Variants in NXPE4 observed in about 807,000 individuals in gnomAD.
NXPE4 encodes NXPE family member 4.
NXPE4 carries 42 observed loss-of-function variants against 33.3 expected under a neutral mutation model. The ratio of observed to expected loss-of-function variants is 1.26; its 90% CI spans 0.98 to 1.63. NXPE4 has a LOEUF of 1.63. NXPE4 is among the 40% of genes most tolerant of loss of function. NXPE4 has a pLI of 0.00. For missense variants in NXPE4, 709 were observed against 647.6 expected, an observed-to-expected ratio of 1.09 and a Z score of -1.03; for synonymous variants, 253 against 234.9, an observed-to-expected ratio of 1.08 and a Z score of -0.71.
At chr11:114,606,924 G>A in the NXPE4 span, among the ~76,000 whole-genome samples, 5 of 151,990 alleles carry the variant, frequency 3.3e-5, no homozygotes, top group African/African-American at 9.6e-5. Context: ...AATAAGTATT[G>A]TCTCATGGGT....
At chr11:114,607,954 A>G in the NXPE4 span, among the ~76,000 whole-genome samples, 1 of 149,548 alleles carries the variant, frequency 6.7e-6, no homozygotes, top group East Asian at 2.0e-4. Context: ...ACTGTTACCC[A>G]GTGGATAATA....
At chr11:114,642,793 T>C in the NXPE4 span, among the ~76,000 whole-genome samples, 1 of 152,084 alleles carries the variant, frequency 6.6e-6, no homozygotes, top group South Asian at 2.1e-4. Flanking sequence ...CTGGGCTTGC[T>C]GGGTCAAATG....
the NXPE4 span, among the ~76,000 whole-genome samples, chr11:114,623,325 T>C: frequency 1.3e-5 from 2 of 152,060 alleles, no homozygotes; most frequent in African/African-American, 4.8e-5. Flanking sequence ...GGGTAATCAC[T>C]GTTACCTGGT....
the NXPE4 span, among the ~76,000 whole-genome samples, chr11:114,636,846 G>C: frequency 6.6e-6 from 1 of 152,044 alleles, no homozygotes; most frequent in Admixed American, 6.6e-5. Flanking sequence ...TATAATTTCT[G>C]TTCTTTTACA....
chr11:114,594,607 A>G (rs1181645934), intron 2 of NXPE4, 57 bp downstream of exon 2: 1 of 1,103,630 alleles, frequency 9.1e-7, no homozygotes, highest in East Asian at 2.4e-5. Flanking sequence ...CCTAGAACAG[A>G]TGAGGTAATA....
intron 2 of NXPE4, chr11:114,583,649 G>A (rs1035421912): frequency 1.7e-6 from 1 of 588,986 alleles, no homozygotes; most frequent in Non-Finnish European, 3.4e-6. Context: ...GGACACTGCT[G>A]TGAATTGGGC....
the NXPE4 span, among the ~76,000 whole-genome samples, chr11:114,602,756 G>A: frequency 9.8e-5 from 14 of 143,148 alleles, no homozygotes; most frequent in Non-Finnish European, 1.5e-4. Flanking sequence ...TCATATATAA[G>A]TATCTCATAT....
chr11:114,667,584 G>A, the NXPE4 span, among the ~76,000 whole-genome samples: 1 of 152,124 alleles, frequency 6.6e-6, no homozygotes, highest in South Asian at 2.1e-4. Context: ...AGATGGCATT[G>A]TGATTTCCTC....
the NXPE4 span, among the ~76,000 whole-genome samples, chr11:114,643,335 C>A: frequency 6.6e-6 from 1 of 152,042 alleles, no homozygotes; most frequent in Admixed American, 6.6e-5. Context: ...TTTGCCCATG[C>A]CTACATCCTG....
chr11:114,572,572 A>G (rs540827273), intron 5 of NXPE4, among the ~76,000 whole-genome samples: 8 of 152,310 alleles, frequency 5.3e-5, no homozygotes, highest in African/African-American at 1.9e-4. Context: ...TGCAAAATGC[A>G]CTGGAAATTC....
chr11:114,638,402 C>T, the NXPE4 span, among the ~76,000 whole-genome samples: 19 of 151,940 alleles, frequency 1.3e-4, no homozygotes, highest in Admixed American at 2.6e-4. Context: ...TCTTTGCCTT[C>T]GGTTTGAATT....
chr11:114,622,481 A>G, the NXPE4 span, among the ~76,000 whole-genome samples: 1 of 149,702 alleles, frequency 6.7e-6, no homozygotes, highest in African/African-American at 2.5e-5. Context: ...TGCCTCATGG[A>G]TAACCACTGT....
At chr11:114,669,040 G>T in the NXPE4 span, among the ~76,000 whole-genome samples, 7 of 152,162 alleles carry the variant, frequency 4.6e-5, no homozygotes, top group African/African-American at 1.7e-4. Flanking sequence ...AAGTGGAAGA[G>T]ACTGATCAGA....
the NXPE4 span, among the ~76,000 whole-genome samples, chr11:114,650,797 A>C: frequency 3.3e-5 from 5 of 152,030 alleles, no homozygotes; most frequent in African/African-American, 4.8e-5. Flanking sequence ...GACTCTCTCT[A>C]AGTTCCAGGT....
chr11:114,632,610 T>TTTTATATTATATATTTATATTTATA, the NXPE4 span, among the ~76,000 whole-genome samples: 1 of 103,346 alleles, frequency 9.7e-6, no homozygotes, highest in Non-Finnish European at 1.7e-5. Context: ...TATATTTATA[T>TTTTATATTATATATTTATATTTATA]TTTATATATA....
chr11:114,604,384 A>G, the NXPE4 span, among the ~76,000 whole-genome samples: 3 of 152,082 alleles, frequency 2.0e-5, no homozygotes, highest in Admixed American at 6.6e-5. Context: ...CCTCGTGGGT[A>G]ACCACTGTTA....
At chr11:114,673,917 A>C in the NXPE4 span, among the ~76,000 whole-genome samples, 4 of 151,938 alleles carry the variant, frequency 2.6e-5, no homozygotes, top group African/African-American at 4.8e-5. Context: ...AAACTAGCCC[A>C]AAACCAGAAT....
the NXPE4 span, among the ~76,000 whole-genome samples, chr11:114,668,688 T>A: frequency 6.6e-6 from 1 of 152,080 alleles, no homozygotes; most frequent in Non-Finnish European, 1.5e-5. Context: ...AGACCATGAC[T>A]TATCTTTATA....
chr11:114,584,435 C>T (rs566013291), intron 2 of NXPE4: 8 of 223,624 alleles, frequency 3.6e-5, no homozygotes, highest in South Asian at 1.2e-4. Flanking sequence ...AAGAGGGTGG[C>T]GATGAGAATG....
Sources: allele counts gnomAD v4.1 joint callset (sites outside exome capture counted in the v4.1 genomes callset), GRCh38; gene constraint gnomAD v4.1.1; transcripts MANE v1.5; gene names NCBI Gene and HGNC (gene_info 2026-07-23, HGNC 2026-07-21).